The following STON2 variants were observed in gnomAD, a reference collection of about 807,000 sequenced individuals.
STON2 encodes the protein stonin 2.
In STON2, 29 loss-of-function variants were observed where a neutral mutation model predicts 65.7. The observed-to-expected ratio is 0.44, with a 90% CI of 0.33 to 0.60. STON2 has a LOEUF of 0.60. STON2 is among the 20% of genes least tolerant of loss of function. The pLI, the probability that STON2 is intolerant of heterozygous loss-of-function variation, is 0.03. For synonymous variants in STON2, 404 were observed against 414.2 expected (o/e 0.98, Z 0.30); for missense variants, 1,054 against 1,118.1 (o/e 0.94, Z 0.82).
intron 3 of STON2, among the ~76,000 whole-genome samples, chr14:81,383,735 T>A (rs937522917): frequency 6.6e-6 from 1 of 152,080 alleles, no homozygotes; most frequent in Non-Finnish European, 1.5e-5. Context: ...TGTCCTCTCC[T>A]CCCAGTCTAT....
chr14:81,285,084 T>C (rs1245683022), intron 5 of STON2, among the ~76,000 whole-genome samples: 1 of 152,244 alleles, frequency 6.6e-6, no homozygotes, highest in African/African-American at 2.4e-5. Context: ...AGGAGATTAA[T>C]GTTGTTTTCA....
chr14:81,264,042 A>C lies in STON2; in HGVS notation c.*4372T>G. 1.0e-6 allele frequency: 1 copy of C among 985,372 alleles called. No individual in the cohort carries two copies. The highest frequency in any genetic ancestry group is 1.2e-6 in the Non-Finnish European group (1 of 829,930). 61.0% of individuals were successfully genotyped at this position (985,372 alleles called of 1,614,324 possible). On this transcript the variant is annotated 3_prime_UTR_variant, in exon 8 of 8. Coordinates refer to ENST00000614646, the MANE Select transcript of STON2 (RefSeq NM_001394390.1). ...CCTACTGCATGAAGACTGGTTGTGCACTCTATCAAATGCTTTCTTTTCCTA... is the reference window on the plus strand; with the variant it reads ...CCTACTGCATGAAGACTGGTTGTGCCCTCTATCAAATGCTTTCTTTTCCTA...
intron 5 of STON2, among the ~76,000 whole-genome samples, chr14:81,315,952 A>G (rs1337692767): frequency 6.6e-6 from 1 of 152,224 alleles, no homozygotes; most frequent in Non-Finnish European, 1.5e-5. Context: ...CAGCTTATCT[A>G]TCAGTTGGAG....
intron 2 of STON2, among the ~76,000 whole-genome samples, chr14:81,417,443 T>C (rs1394345330): frequency 6.6e-6 from 1 of 152,210 alleles, no homozygotes; most frequent in African/African-American, 2.4e-5. Context: ...TCTTGTTCTT[T>C]ACTCAACAGA....
intron 5 of STON2, among the ~76,000 whole-genome samples, chr14:81,308,815 T>TAC (rs1566901268): frequency 4.2e-4 from 8 of 19,266 alleles, no homozygotes; most frequent in Admixed American, 2.6e-3. Context: ...TATATATATA[T>TAC]ATATATATAT....
At chr14:81,390,193 CAAAAAAA>C (rs759154677) in intron 3 of STON2, among the ~76,000 whole-genome samples, 14 of 88,354 alleles carry the variant, frequency 1.6e-4, no homozygotes, top group African/African-American at 4.4e-4. Flanking sequence ...GACTCCATTT[CAAAAAAA>C]AAAAAAAAGA....
chr14:81,398,346 A>C lies in STON2; in HGVS notation c.37T>G (p.Ser13Ala). Residue 13 changes from serine to alanine, a missense_variant, in exon 2 of 8, where the codon TCA (serine) becomes GCA (alanine). Coordinates refer to ENST00000614646, the MANE Select transcript of STON2 (RefSeq NM_001394390.1). ...TCTTCATTGAAGGAGACCCATTCTG[A>C]CTGGTGGGTGGCAATCACATGGTCC... ...TLDHVIATHQ[S>A]EWVSFNEEPP... The C allele has an allele frequency of 1.2e-6, 2 of 1,614,058 alleles. No homozygotes were observed. The highest frequency in any genetic ancestry group is 1.7e-6 in the Non-Finnish European group (2 of 1,179,962).
chr14:81,291,408 A>G (rs1398999767), intron 5 of STON2, among the ~76,000 whole-genome samples: 1 of 152,202 alleles, frequency 6.6e-6, no homozygotes, highest in African/African-American at 2.4e-5. Context: ...ACTTTCTATT[A>G]TCCCTCTGGT....
At chr14:81,282,652 C>T (rs992241385) in intron 5 of STON2, among the ~76,000 whole-genome samples, 16 of 152,004 alleles carry the variant, frequency 1.1e-4, no homozygotes, top group African/African-American at 3.6e-4. Flanking sequence ...TTAAAAAATT[C>T]GAAATCTGTA....
chr14:81,430,332 A>G (rs774662118), intron 1 of STON2, among the ~76,000 whole-genome samples: 1 of 152,224 alleles, frequency 6.6e-6, no homozygotes, highest in Non-Finnish European at 1.5e-5. Flanking sequence ...ACTGAGCATA[A>G]TACTTCTCTG....
intron 5 of STON2, among the ~76,000 whole-genome samples, chr14:81,303,147 G>A (rs1367043121): frequency 5.3e-5 from 8 of 151,856 alleles, no homozygotes; most frequent in Admixed American, 5.3e-4. Context: ...GTGAGCAGAG[G>A]ATAAGCAGAG....
At chr14:81,328,967 T>C (rs896063039) in intron 4 of STON2, among the ~76,000 whole-genome samples, 14 of 152,168 alleles carry the variant, frequency 9.2e-5, no homozygotes, top group African/African-American at 3.1e-4. Flanking sequence ...GAGCCAAATA[T>C]CTTTTTCTTT....
intron 4 of STON2, among the ~76,000 whole-genome samples, chr14:81,333,532 G>A (rs538196426): frequency 1.1e-4 from 17 of 152,268 alleles, no homozygotes; most frequent in Admixed American, 1.0e-3. Context: ...TGACTCAAAC[G>A]GCTAGTAAGT....
chr14:81,335,784 G>A (rs1226912099), intron 4 of STON2, among the ~76,000 whole-genome samples: 1 of 152,012 alleles, frequency 6.6e-6, no homozygotes, highest in African/African-American at 2.4e-5. Context: ...ATACCAAAAT[G>A]AGTGAAAGTA....
At chr14:81,319,048 G>A (rs1566906715) in intron 5 of STON2, among the ~76,000 whole-genome samples, 1 of 152,124 alleles carries the variant, frequency 6.6e-6, no homozygotes, top group Non-Finnish European at 1.5e-5. Flanking sequence ...GGTAGCGGCT[G>A]GTGCCAAGGG....
Position 81,277,184 on chromosome 14 carries a change from C to T in STON2, c.2298G>A (p.Met766Ile). Reference sequence around the variant, plus strand: ...CACGATTGGCGGAGAAGCCAGTTGACATCCTCAGCCAGCTCTGCACCTCCA... The same window carrying T: ...CACGATTGGCGGAGAAGCCAGTTGATATCCTCAGCCAGCTCTGCACCTCCA... The part of the protein sequence containing the change: ...AEVEVQSWLR[M>I]STGFSANRDP... The change falls in exon 6 of 8, where the codon ATG becomes ATA. Residue 766 changes from methionine (M) to isoleucine (I), a missense_variant. Transcript: ENST00000614646. The T allele has an allele frequency of 6.2e-7, 1 of 1,614,232 alleles. No individual in the cohort carries two copies. The highest frequency in any genetic ancestry group is 1.3e-5 in the African/African-American group (1 of 75,072).
chr14:81,399,371 T>C (rs994084342), intron 1 of STON2, among the ~76,000 whole-genome samples: 12 of 152,238 alleles, frequency 7.9e-5, no homozygotes, highest in Non-Finnish European at 1.5e-4. Flanking sequence ...AAAATTAATG[T>C]GCTTCCATAG....
chr14:81,371,360 G>A (rs1355543220), intron 3 of STON2, among the ~76,000 whole-genome samples, 175 bp from the exon 4 acceptor site: 1 of 152,154 alleles, frequency 6.6e-6, no homozygotes, highest in African/African-American at 2.4e-5. Context: ...AAAACTGACT[G>A]ACTGAGACCC....
At chr14:81,313,493 TA>T (rs869094914) in intron 5 of STON2, among the ~76,000 whole-genome samples, 32 of 142,674 alleles carry the variant, frequency 2.2e-4, no homozygotes, top group South Asian at 2.2e-4. Flanking sequence ...GAAAATTGAT[TA>T]AAAAAAAAAA....
Sources: gnomAD v4.1 joint callset for allele counts (sites outside exome capture counted in the v4.1 genomes callset) on GRCh38, gnomAD v4.1.1 for gene constraint, MANE v1.5 for transcripts, NCBI Gene and HGNC (gene_info 2026-07-23, HGNC 2026-07-21) for gene names.